Variants in BACH1 observed in about 807,000 individuals in gnomAD.
BACH1 encodes transcription regulator protein BACH1.
A neutral mutation model predicts 52.9 loss-of-function variants in BACH1; 35 were observed. The observed-to-expected ratio is 0.66, with a 90% CI of 0.51 to 0.88. The LOEUF is 0.88. BACH1 is among the 40% of genes least tolerant of loss of function. The probability of loss-of-function intolerance (pLI) is 0.00; values close to 1 mark genes in which losing one functional copy is unlikely to be tolerated. For missense variants in BACH1, 808 were observed against 872.6 expected (o/e 0.93, Z 0.93); for synonymous variants, 321 against 319.6 (o/e 1.00, Z -0.05).
At chr21:29,357,140 A>G (rs1177208801) in intron 2 of BACH1, among the ~76,000 whole-genome samples, 3 of 152,168 alleles carry the variant, frequency 2.0e-5, no homozygotes, top group Admixed American at 6.5e-5. Context: ...CTGTATACAC[A>G]TTTATTCTTC....
At chr21:29,324,804 C>G (rs1234065995) in intron 2 of BACH1, among the ~76,000 whole-genome samples, 1 of 152,030 alleles carries the variant, frequency 6.6e-6, no homozygotes, top group Non-Finnish European at 1.5e-5. Context: ...AGTGTCTGTA[C>G]CATTTTACAT....
intron 1 of BACH1, among the ~76,000 whole-genome samples, chr21:29,308,972 C>G (rs2088689594): frequency 6.6e-6 from 1 of 152,092 alleles, no homozygotes; most frequent in Non-Finnish European, 1.5e-5. Context: ...AATTAATTCA[C>G]CAGACCCGGG....
At chr21:29,310,858 G>C (rs1216060485) in intron 1 of BACH1, among the ~76,000 whole-genome samples, 1 of 152,196 alleles carries the variant, frequency 6.6e-6, no homozygotes, top group African/African-American at 2.4e-5. Flanking sequence ...AGAGGGAAGA[G>C]ACAGTGTGAG....
rs1370474668 is a variant in BACH1 at position 29,344,471 on chromosome 21, A to G, written c.*1638A>G. Reference sequence around the variant, plus strand: ...TTTGATCAGGGTGTAGGGGGAGGATATTGCTAGTATATTTTCAGTGGTTTG... The same window carrying G: ...TTTGATCAGGGTGTAGGGGGAGGATGTTGCTAGTATATTTTCAGTGGTTTG... On this transcript the variant is annotated 3_prime_UTR_variant, in exon 5 of 5. Coordinates refer to ENST00000286800, the MANE Select transcript of BACH1 (RefSeq NM_001186.4). 1 of 152,470 alleles carries G rather than the reference A, an allele frequency of 6.6e-6. No individual in the cohort carries two copies. The highest frequency in any genetic ancestry group is 1.5e-5 in the Non-Finnish European group (1 of 67,990). 9.4% of individuals were successfully genotyped at this position (152,470 alleles called of 1,614,324 possible). A position where few individuals can be genotyped will look rare whatever the true frequency, so the allele number is the denominator to read the frequency against.
rs2088762441 is a variant in BACH1 at position 29,314,379 on chromosome 21, A to G, written c.-60-6842A>G. Among the ~76,000 whole-genome samples the G allele has an allele frequency of 2.0e-5, 3 of 152,244 alleles. No homozygotes were observed. The South Asian group carries it at 6.2e-4, about 31-fold the overall frequency. ...GAGCTTTGAGGAGTCTATAACTTTA[A>G]CAAACTTCCCTAACAGTTCACAGTC... is the stretch of plus-strand genomic sequence containing the variant. On this transcript the variant is annotated intron_variant, in intron 1 of 4. Coordinates refer to ENST00000286800, the MANE Select transcript of BACH1 (RefSeq NM_001186.4).
At chr21:29,336,922 T>A (rs2123467351) in intron 4 of BACH1, among the ~76,000 whole-genome samples, 1 of 152,314 alleles carries the variant, frequency 6.6e-6, no homozygotes, top group South Asian at 2.1e-4. Context: ...TCTGCTTTCC[T>A]CAGCCTCCCA....
intron 4 of BACH1, among the ~76,000 whole-genome samples, chr21:29,336,046 A>C (rs1018363007): frequency 6.6e-6 from 1 of 152,202 alleles, no homozygotes; most frequent in Non-Finnish European, 1.5e-5. Flanking sequence ...TTTTTATTCA[A>C]ATTACTCTGA....
intron 2 of BACH1, among the ~76,000 whole-genome samples, chr21:29,353,566 G>A (rs964187431): frequency 7.2e-5 from 11 of 152,076 alleles, no homozygotes; most frequent in Non-Finnish European, 1.6e-4. Flanking sequence ...AAGTGTTTTT[G>A]GAATTCTTAG....
intron 2 of BACH1, among the ~76,000 whole-genome samples, chr21:29,322,262 A>G (rs2088857709): frequency 1.3e-5 from 2 of 152,190 alleles, no homozygotes; most frequent in African/African-American, 2.4e-5. Flanking sequence ...AGGGTTCTGT[A>G]AAACGTCCGT....
intron 4 of BACH1, among the ~76,000 whole-genome samples, chr21:29,336,723 G>T (rs1368263583): frequency 4.6e-5 from 7 of 151,798 alleles, no homozygotes; most frequent in African/African-American, 7.3e-5. Flanking sequence ...GGAGTGTGGA[G>T]TGCAGTGGCG....
chr21:29,329,413 T>C (rs569267940), intron 3 of BACH1, 74 bp from the exon 4 acceptor site: 471 of 1,229,598 alleles, frequency 3.8e-4, no homozygotes, highest in Non-Finnish European at 3.8e-4. Context: ...CTTAGATGTA[T>C]ACCTTCATCT....
intron 2 of BACH1, among the ~76,000 whole-genome samples, chr21:29,359,859 A>G (rs2089260544): frequency 1.3e-5 from 2 of 152,162 alleles, no homozygotes; most frequent in African/African-American, 4.8e-5. Context: ...CCCAGGACAG[A>G]GGACAGACAG....
At chr21:29,306,477 C>T (rs939699794) in intron 1 of BACH1, among the ~76,000 whole-genome samples, 1 of 151,786 alleles carries the variant, frequency 6.6e-6, no homozygotes, top group Non-Finnish European at 1.5e-5. Flanking sequence ...GCATTGCACA[C>T]AAGCCAGTGC....
chr21:29,361,866 GTAAT>G, intron 2 of BACH1: 1 of 152,146 alleles, frequency 6.6e-6, no homozygotes, highest in Non-Finnish European at 1.5e-5. Flanking sequence ...CCATTCTGAT[GTAAT>G]TATTAATAAA....
At chr21:29,348,457 AG>A (rs147421508), downstream of BACH1, among the ~76,000 whole-genome samples, 3,205 of 151,994 alleles carry the variant, frequency 0.021, 94 homozygotes, top group African/African-American at 0.073. Flanking sequence ...GAACCTCAAT[AG>A]TATCTGGAAA....
intron 1 of BACH1, 59 bp from the exon 2 acceptor site, chr21:29,321,162 G>C (rs1486969850): frequency 1.1e-6 from 1 of 888,262 alleles, no homozygotes; most frequent in Non-Finnish European, 1.8e-6. Flanking sequence ...GCCTGTATTT[G>C]ACACTGTCAT....
In BACH1 at chr21:29,326,444, A is replaced by G. The variant is rs2088912309; in HGVS notation, c.620A>G (p.Tyr207Cys). Residue 207 changes from tyrosine (Y) to cysteine (C), a missense_variant, in exon 3 of 5, where the codon TAT (tyrosine) becomes TGT (cysteine). Transcript: ENST00000286800. ...PPLQDSASQT[Y>C]ESMCLEKDAA... ...CTACAAGACAGTGCCAGTCAGACAT[A>G]TGAGTCCATGTGCTTAGAGAAGGAT... 1.2e-6 allele frequency: 2 copies of G among 1,614,222 alleles called. No individual in the cohort carries two copies. The highest frequency in any genetic ancestry group is 1.7e-6 in the Non-Finnish European group (2 of 1,180,042).
intron 4 of BACH1, among the ~76,000 whole-genome samples, chr21:29,332,706 A>G (rs541163461): frequency 6.6e-6 from 1 of 152,364 alleles, no homozygotes; most frequent in East Asian, 1.9e-4. Context: ...CTGTGGCACA[A>G]TGCCTGAATA....
intron 1 of BACH1, among the ~76,000 whole-genome samples, chr21:29,313,099 C>T (rs1194929333): frequency 2.6e-5 from 4 of 152,084 alleles, no homozygotes; most frequent in Admixed American, 1.3e-4. Flanking sequence ...ATGTAGAGCA[C>T]GGCTGTCCAA....
Sources: gnomAD v4.1 joint callset for allele counts (sites outside exome capture counted in the v4.1 genomes callset) on GRCh38, gnomAD v4.1.1 for gene constraint, MANE v1.5 for transcripts, NCBI Gene and HGNC (gene_info 2026-07-23, HGNC 2026-07-21) for gene names.